MAST3: variants seen among roughly 807,000 people sequenced by gnomAD.
MAST3 encodes microtubule associated serine/threonine kinase 3.
A neutral mutation model predicts 127.0 loss-of-function variants in MAST3; 43 were observed. The ratio of observed to expected loss-of-function variants is 0.34; its 90% CI spans 0.27 to 0.44. The LOEUF (loss-of-function observed/expected upper bound fraction) is 0.44, where lower values mean the gene tolerates loss of function less well. MAST3 is among the 20% of genes least tolerant of loss of function. MAST3 has a pLI of 1.00. For missense variants in MAST3, 1,390 were observed against 1,919.1 expected (o/e 0.72, Z 5.15); for synonymous variants, 785 against 809.2 (o/e 0.97, Z 0.51).
chr19:18,122,013 A>G (rs1177069085), intron 5 of MAST3, 91 bp downstream of exon 5: 2 of 1,538,582 alleles, frequency 1.3e-6, no homozygotes, highest in Non-Finnish European at 1.8e-6. Context: ...CTGGCTCCTC[A>G]TTCATTTCAT....
Position 18,141,966 on chromosome 19 carries a change from T to C in MAST3, c.2290T>C (p.Trp764Arg). The C allele has an allele frequency of 6.4e-7, 1 of 1,550,554 alleles. No individual in the cohort carries two copies. Among genetic ancestry groups the C allele is most frequent in the Non-Finnish European group, 8.7e-7 (1 of 1,144,516 alleles). Residue 764 changes from tryptophan to arginine, a missense_variant, in exon 21 of 28, where the codon TGG (tryptophan) becomes CGG (arginine). Trp to Arg is a moderately radical substitution (Grantham distance 101). Coordinates refer to ENST00000687212, the MANE Select transcript of MAST3 (RefSeq NM_001393504.1). Reference sequence around the variant, plus strand: ...CTTCAGTGAAGACCGGGAGGAGGGGTGGGAGCGCAGCGAAGTGGACTATGG... The same window carrying C: ...CTTCAGTGAAGACCGGGAGGAGGGGCGGGAGCGCAGCGAAGTGGACTATGG... ...RSFSEDREEG[W>R]ERSEVDYGRR...
chr19:18,133,291 A>G (rs1273310832), intron 15 of MAST3, among the ~76,000 whole-genome samples: 2 of 152,134 alleles, frequency 1.3e-5, no homozygotes, highest in Non-Finnish European at 2.9e-5. Context: ...GTTGGCATGT[A>G]CTTGTTAGGC....
chr19:18,144,364 C>G lies in MAST3; in HGVS notation c.2585-102C>G, dbSNP rs1033951771. Reference sequence around the variant, plus strand: ...AACTGCATGAGCAAAGGCCAGGAGGCTGGACTGTGTAAATAGTGACCAGGG... The same window carrying G: ...AACTGCATGAGCAAAGGCCAGGAGGGTGGACTGTGTAAATAGTGACCAGGG... On this transcript the variant is annotated intron_variant, in intron 22 of 27. Coordinates refer to ENST00000687212, the MANE Select transcript of MAST3 (RefSeq NM_001393504.1). The surrounding 1 kb of genome is among the most constrained non-coding windows in gnomAD (Gnocchi z 4.0). 7 of 1,024,152 alleles carry G rather than the reference C, an allele frequency of 6.8e-6. No homozygotes were observed. The highest frequency in any genetic ancestry group is 1.0e-5 in the Non-Finnish European group (7 of 687,780). The allele number at this position is 1,024,152 out of a possible 1,614,324, so 63.4% of individuals were successfully genotyped here. A position where few individuals can be genotyped will look rare whatever the true frequency, so the allele number is the denominator to read the frequency against.
In MAST3 at chr19:18,144,394, A is replaced by C; in HGVS notation, c.2585-72A>C. The C allele has an allele frequency of 7.9e-7, 1 of 1,271,798 alleles. No homozygotes were observed. The highest frequency in any genetic ancestry group is 2.5e-5 in the East Asian group (1 of 39,668). 78.8% of individuals were successfully genotyped at this position (1,271,798 alleles called of 1,614,324 possible). A position where few individuals can be genotyped will look rare whatever the true frequency, so the allele number is the denominator to read the frequency against. ...CTGTGTAAATAGTGACCAGGGAGGAAGGGCCTTAAGGTCCCTTTAGGACCA... is the reference window on the plus strand; with the variant it reads ...CTGTGTAAATAGTGACCAGGGAGGACGGGCCTTAAGGTCCCTTTAGGACCA... On this transcript the variant is annotated intron_variant, in intron 22 of 27. Transcript: ENST00000687212. This position sits in a 1 kb window ranked among gnomAD's most constrained non-coding sequence, Gnocchi z 4.0.
intron 3 of MAST3, among the ~76,000 whole-genome samples, chr19:18,116,026 A>G (rs1289136729): frequency 2.0e-5 from 3 of 151,870 alleles, no homozygotes; most frequent in African/African-American, 7.3e-5. Context: ...CCTCCTGGCT[A>G]AAGTCGCCCC....
intron 15 of MAST3, among the ~76,000 whole-genome samples, chr19:18,133,959 T>G (rs1041844670): frequency 6.6e-6 from 1 of 152,226 alleles, no homozygotes; most frequent in Non-Finnish European, 1.5e-5. Context: ...TAGTGTCTTA[T>G]GCACCAGCTG....
Position 18,143,810 on chromosome 19 carries a change from C to G in MAST3, c.2387C>G (p.Ser796Cys), listed in dbSNP as rs745979009. ...GGATCCTCCTGTCAGTCATCTTCGT[C>G]CCAGCCCGAGCGGGGTCCCAGCCCA... ...SSGSSCQSSSSQPERGPSPSL... is the reference protein window; with the variant it reads ...SSGSSCQSSSCQPERGPSPSL... Residue 796 changes from serine to cysteine, a missense_variant, in exon 22 of 28, where the codon TCC becomes TGC. Ser to Cys is a moderately radical substitution (Grantham distance 112). Around this residue, in one of 5 missense-constraint regions of MAST3, gnomAD observed 816 missense variants for 934.1 expected, o/e 0.87. Coordinates refer to ENST00000687212, the MANE Select transcript of MAST3 (RefSeq NM_001393504.1). 2.0e-5 allele frequency: 33 copies of G among 1,613,836 alleles called. No individual in the cohort carries two copies. The highest frequency in any genetic ancestry group is 2.5e-5 in the Non-Finnish European group (29 of 1,179,856).
chr19:18,144,552 C>T lies in MAST3; in HGVS notation c.2671C>T (p.Arg891Trp), dbSNP rs377699710. 1.3e-5 allele frequency: 21 copies of T among 1,609,754 alleles called. No individual in the cohort carries two copies. Among genetic ancestry groups the T allele is most frequent in the African/African-American group, 2.7e-5 (2 of 74,894 alleles). ...HSTPRPLDAG[R>W]GRRLGGPRDP... The stretch of plus-strand genomic sequence containing the variant: ...CACACCAAGGCCTCTGGATGCCGGC[C>T]GGGGCCGCCGCCTTGGGGGCCCAAG... The change falls in exon 23 of 28, where the codon CGG (arginine) becomes TGG (tryptophan). Residue 891 changes from arginine (R) to tryptophan (W), a missense_variant. This residue lies in a region of MAST3 where 816 missense variants were observed against 934.1 expected (regional missense o/e 0.87). Transcript: ENST00000687212. This position sits in a 1 kb window ranked among gnomAD's most constrained non-coding sequence, Gnocchi z 4.0.
Position 18,149,482 on chromosome 19 carries a change from C to T in MAST3, c.3800C>T (p.Thr1267Ile). ...GGCCAGTCAGCTGACAAGCTGGGCA[C>T]AGGGGAGCGGCTGGATGGGGAGGCG... is the stretch of plus-strand genomic sequence containing the variant. ...RRGQSADKLG[T>I]GERLDGEAGR... Residue 1267 changes from threonine (T) to isoleucine (I), a missense_variant, in exon 28 of 28, where the codon ACA becomes ATA. Around this residue, in one of 5 missense-constraint regions of MAST3, gnomAD observed 816 missense variants for 934.1 expected, o/e 0.87. Transcript: ENST00000687212. This position sits in a 1 kb window ranked among gnomAD's most constrained non-coding sequence, Gnocchi z 5.9. 2 of 1,544,636 alleles carry T rather than the reference C, an allele frequency of 1.3e-6. No homozygotes were observed. Among genetic ancestry groups the T allele is most frequent in the Non-Finnish European group, 1.7e-6 (2 of 1,145,240 alleles).
At chr19:18,103,919 A>C (rs1005838551) in intron 1 of MAST3, among the ~76,000 whole-genome samples, 1 of 152,006 alleles carries the variant, frequency 6.6e-6, no homozygotes, top group Non-Finnish European at 1.5e-5. Flanking sequence ...GTGGTATAAG[A>C]TCCCACAACT....
rs766896128 is a variant in MAST3 at position 18,144,216 on chromosome 19, AC to A, written c.2584+213del. On this transcript the variant is annotated intron_variant, in intron 22 of 27. Coordinates refer to ENST00000687212, the MANE Select transcript of MAST3 (RefSeq NM_001393504.1). The surrounding 1 kb of genome is among the most constrained non-coding windows in gnomAD (Gnocchi z 4.0). ...CCCAGCTTCATAGAGTCAGGATGGG[AC>A]CCCTAGCTCCCAAGATGGGGGAACT... Among the ~76,000 whole-genome samples the A allele has an allele frequency of 6.6e-6, 1 of 152,004 alleles. No individual in the cohort carries two copies. Among genetic ancestry groups the A allele is most frequent in the Non-Finnish European group, 1.5e-5 (1 of 68,002 alleles).
Position 18,139,033 on chromosome 19 carries a change from G to A in MAST3, c.2114G>A (p.Arg705His), listed in dbSNP as rs767566791. ...SYFDTRSERYRHLGSEDDETN... is the reference protein window; with the variant it reads ...SYFDTRSERYHHLGSEDDETN... ...CCCACAGCACGTTCGGAACGTTACC[G>A]CCATCTGGGCTCCGAGGACGACGAG... Residue 705 changes from arginine (R) to histidine (H), a missense_variant, in exon 20 of 28, where the codon CGC becomes CAC. Coordinates refer to ENST00000687212, the MANE Select transcript of MAST3 (RefSeq NM_001393504.1). 7 of 1,594,800 alleles carry A rather than the reference G, an allele frequency of 4.4e-6. No individual in the cohort carries two copies. Among genetic ancestry groups the A allele is most frequent in the African/African-American group, 2.7e-5 (2 of 74,360 alleles).
At chr19:18,116,591 A>T (rs987972686) in intron 3 of MAST3, among the ~76,000 whole-genome samples, 4 of 138,996 alleles carry the variant, frequency 2.9e-5, no homozygotes, top group Non-Finnish European at 6.3e-5. Flanking sequence ...CACCACGCCC[A>T]GCCGAAATTA....
chr19:18,125,455 C>T lies in MAST3; in HGVS notation c.1078+681C>T, dbSNP rs920279791. ...GTAAGAAGACGGTCAAAAACTCCCACAGCCGGCCGGGTGCGGTGGCTCACG... is the reference window on the plus strand; with the variant it reads ...GTAAGAAGACGGTCAAAAACTCCCATAGCCGGCCGGGTGCGGTGGCTCACG... On this transcript the variant is annotated intron_variant, in intron 11 of 27. Coordinates refer to ENST00000687212, the MANE Select transcript of MAST3 (RefSeq NM_001393504.1). 1.2e-4 allele frequency among the ~76,000 whole-genome samples: 19 copies of T among 152,248 alleles called. 4 individuals are homozygous for T. The highest frequency in any genetic ancestry group is 9.2e-4 in the Admixed American group (14 of 15,282).
chr19:18,124,429 G>A, intron 10 of MAST3, 63 bp downstream of exon 10: 1 of 1,467,682 alleles, frequency 6.8e-7, no homozygotes, highest in Non-Finnish European at 9.3e-7. Flanking sequence ...GACCACAACA[G>A]TCCTGCCAAG....
In MAST3 at chr19:18,144,142, C is replaced by CTCTCTGGGACCCTGG; in HGVS notation, c.2584+135_2584+136insTCTCTGGGACCCTGG. On this transcript the variant is annotated intron_variant, in intron 22 of 27. Transcript: ENST00000687212. The surrounding 1 kb of genome is among the most constrained non-coding windows in gnomAD (Gnocchi z 4.0). ...GCTTTAAGAGAGGAGAAGCCAGGGT[C>CTCTCTGGGACCCTGG]CCAGAGAGACCCCCAGCCCCCAAGG... 1 of 1,259,922 alleles carries CTCTCTGGGACCCTGG rather than the reference C, an allele frequency of 7.9e-7. No individual in the cohort carries two copies. Among genetic ancestry groups the CTCTCTGGGACCCTGG allele is most frequent in the Non-Finnish European group, 1.1e-6 (1 of 935,836 alleles). 78.0% of individuals were successfully genotyped at this position (1,259,922 alleles called of 1,614,324 possible). A position where few individuals can be genotyped will look rare whatever the true frequency, so the allele number is the denominator to read the frequency against.
chr19:18,128,256 CT>C, intron 11 of MAST3, 143 bp from the exon 12 acceptor site: 1 of 616,892 alleles, frequency 1.6e-6, no homozygotes, highest in Admixed American at 2.8e-5. Context: ...CCGGATGTGG[CT>C]TCATGACAGT....
At position 18,121,700 on chromosome 19, in the gene MAST3, C is replaced by T. The variant is rs759153697; in HGVS notation, c.177C>T (p.Asn59=). Residue 59 remains asparagine (N), a synonymous_variant, in exon 4 of 28, where the codon AAC becomes AAT. Coordinates refer to ENST00000687212, the MANE Select transcript of MAST3 (RefSeq NM_001393504.1). ...GLHPWSCRSG[N]RKSLVVGTPS... ...CCCCCCACAGCTGCCGCAGCGGGAACCGCAAGAGCTTGGTGGTAGGAACGC... is the reference window on the plus strand; with the variant it reads ...CCCCCCACAGCTGCCGCAGCGGGAATCGCAAGAGCTTGGTGGTAGGAACGC... 1.4e-5 allele frequency: 23 copies of T among 1,613,790 alleles called. No homozygotes were observed. The highest frequency in any genetic ancestry group is 1.9e-5 in the Non-Finnish European group (23 of 1,179,884).
At chr19:18,148,748 C>T (rs986787292) in intron 27 of MAST3, among the ~76,000 whole-genome samples, 1 of 151,368 alleles carries the variant, frequency 6.6e-6, no homozygotes, top group African/African-American at 2.4e-5. Flanking sequence ...ACTAAAAATA[C>T]AAAAATTAGC....
Sources: allele counts gnomAD v4.1 joint callset (sites outside exome capture counted in the v4.1 genomes callset), GRCh38; gene constraint gnomAD v4.1.1; regional missense constraint gnomAD v4.1.1; non-coding constraint Gnocchi (gnomAD v3.1); transcripts MANE v1.5; gene names NCBI Gene and HGNC (gene_info 2026-07-23, HGNC 2026-07-21).